PANK2: variants seen among roughly 807,000 people sequenced by gnomAD.
PANK2 encodes pantothenate kinase 2.
PANK2 carries 36 observed loss-of-function variants against 43.1 expected under a neutral mutation model. The ratio of observed to expected loss-of-function variants is 0.84; its 90% CI spans 0.64 to 1.10. The LOEUF (loss-of-function observed/expected upper bound fraction) is 1.10, where lower values mean the gene tolerates loss of function less well. Ranked by LOEUF, PANK2 falls within the 50% of genes least tolerant of loss-of-function variation. The pLI is 0.00. For missense variants in PANK2, 576 were observed against 593.3 expected (o/e 0.97, Z 0.30); for synonymous variants, 281 against 238.2 (o/e 1.18, Z -1.66).
intron 1 of PANK2, 145 bp downstream of exon 1, chr20:3,889,873 C>G: frequency 2.0e-6 from 3 of 1,532,864 alleles, no homozygotes; most frequent in Non-Finnish European, 2.6e-6. Context: ...GCCTGACATC[C>G]GGCTGGAGGC....
chr20:3,912,683 G>T (rs372724301), intron 4 of PANK2, 49 bp downstream of exon 4: 3 of 1,604,352 alleles, frequency 1.9e-6, no homozygotes, highest in Non-Finnish European at 2.6e-6. Flanking sequence ...CGGGCGCGGT[G>T]GCTCATGCCT....
At chr20:3,919,173 A>C (rs972380232) in intron 6 of PANK2, among the ~76,000 whole-genome samples, 1 of 152,138 alleles carries the variant, frequency 6.6e-6, no homozygotes, top group African/African-American at 2.4e-5. Context: ...CAGCCTCCCA[A>C]AGTTCCAGGA....
chr20:3,895,158 C>T (rs2090184574), intron 1 of PANK2, among the ~76,000 whole-genome samples: 1 of 152,092 alleles, frequency 6.6e-6, no homozygotes, highest in African/African-American at 2.4e-5. Context: ...CCTGTAATCC[C>T]AGCTACTCAG....
chr20:3,889,833 C>G (rs752622202), intron 1 of PANK2, 105 bp downstream of exon 1: 6 of 1,533,910 alleles, frequency 3.9e-6, no homozygotes, highest in Non-Finnish European at 4.4e-6. Flanking sequence ...CGGACACTGT[C>G]CCCGCACGGT....
chr20:3,892,071 C>G (rs1371577744), intron 1 of PANK2, among the ~76,000 whole-genome samples: 1 of 152,202 alleles, frequency 6.6e-6, no homozygotes, highest in Non-Finnish European at 1.5e-5. Flanking sequence ...CGCAGTGGCT[C>G]ATGCCTGTAA....
At chr20:3,896,538 C>T (rs2090212155) in intron 1 of PANK2, among the ~76,000 whole-genome samples, 1 of 152,096 alleles carries the variant, frequency 6.6e-6, no homozygotes, top group Non-Finnish European at 1.5e-5. Context: ...AGCCTCTGGA[C>T]TTAGTCATGG....
chr20:3,906,146 T>G (rs570209790), intron 1 of PANK2, among the ~76,000 whole-genome samples: 1 of 151,890 alleles, frequency 6.6e-6, no homozygotes, highest in African/African-American at 2.4e-5. Context: ...TAAATCAGGC[T>G]GGGCGCAGTG....
In PANK2 at chr20:3,889,594, GC is replaced by G. The variant is rs2090079028; in HGVS notation, c.166del (p.Arg56GlyfsTer39). 6.6e-7 allele frequency: 1 copy of G among 1,504,284 alleles called. No individual in the cohort carries two copies. Among genetic ancestry groups the G allele is most frequent in the Non-Finnish European group, 8.8e-7 (1 of 1,133,998 alleles). The allele number at this position is 1,504,284 out of a possible 1,614,324, so 93.2% of individuals were successfully genotyped here. A position where few individuals can be genotyped will look rare whatever the true frequency, so the allele number is the denominator to read the frequency against. On this transcript the variant is annotated frameshift_variant, in exon 1 of 7. Transcript: ENST00000610179. LOFTEE classifies it high-confidence loss of function. ...GGGCGGCGGCAGGAGCCACTGCGGC[GC>G]CGGGCGAGCAGCGCGTCGGTGCCCG...
chr20:3,913,416 T>C (rs2090500670), intron 4 of PANK2, among the ~76,000 whole-genome samples: 1 of 152,108 alleles, frequency 6.6e-6, no homozygotes, highest in Non-Finnish European at 1.5e-5. Flanking sequence ...TGATCTCGGC[T>C]CACCACAACC....
At chr20:3,898,567 T>A (rs1397388791) in intron 1 of PANK2, among the ~76,000 whole-genome samples, 4 of 152,138 alleles carry the variant, frequency 2.6e-5, no homozygotes, top group Non-Finnish European at 4.4e-5. Flanking sequence ...CTACTTTGGG[T>A]ATATCCTATT....
chr20:3,897,427 G>A lies in PANK2; in HGVS notation c.298+7699G>A, dbSNP rs116550922. ...CTTATCAGTGAGCTCTAGGCTGGAT[G>A]TGTTAGCTCACGTCTGTAATCTCAG... On this transcript the variant is annotated intron_variant, in intron 1 of 6. Transcript: ENST00000610179. 8.6e-3 allele frequency among the ~76,000 whole-genome samples: 1,308 copies of A among 152,296 alleles called. 25 individuals carry two copies. Among genetic ancestry groups the A allele is most frequent in the African/African-American group, 0.03 (1,251 of 41,564 alleles).
intron 1 of PANK2, among the ~76,000 whole-genome samples, chr20:3,895,500 T>C (rs1350164997): frequency 8.7e-6 from 1 of 115,428 alleles, no homozygotes; most frequent in African/African-American, 3.0e-5. Context: ...TTTTTTTTCT[T>C]TTTTTTTTTC....
At chr20:3,901,054 T>TTATG (rs1399913837) in intron 1 of PANK2, among the ~76,000 whole-genome samples, 4 of 148,926 alleles carry the variant, frequency 2.7e-5, no homozygotes, top group African/African-American at 1.0e-4. Flanking sequence ...ACAGGCTTTA[T>TTATG]TATTTATTTA....
chr20:3,893,494 G>T (rs1377093382), intron 1 of PANK2, among the ~76,000 whole-genome samples: 1 of 152,134 alleles, frequency 6.6e-6, no homozygotes, highest in Non-Finnish European at 1.5e-5. Context: ...AGGGCTCCAG[G>T]TGTTGAGCAT....
intron 6 of PANK2, among the ~76,000 whole-genome samples, chr20:3,922,114 A>G (rs984960498): frequency 2.6e-5 from 4 of 152,216 alleles, no homozygotes; most frequent in African/African-American, 9.6e-5. Flanking sequence ...ATAGAGTGGT[A>G]GTTATTTATG....
At chr20:3,889,896 G>A (rs1333822518) in intron 1 of PANK2, 168 bp downstream of exon 1, 2 of 1,532,502 alleles carry the variant, frequency 1.3e-6, no homozygotes, top group East Asian at 2.5e-5. Flanking sequence ...CGGGTGCTCC[G>A]AAAGCGGTAC....
upstream of PANK2, chr20:3,889,257 G>A (rs567973726): frequency 1.2e-6 from 2 of 1,612,762 alleles, no homozygotes; most frequent in South Asian, 1.1e-5. Flanking sequence ...ATTGGACGGA[G>A]GCACGGTCAA....
At chr20:3,906,658 TAAA>T (rs533056068) in intron 1 of PANK2, among the ~76,000 whole-genome samples, 9 of 151,524 alleles carry the variant, frequency 5.9e-5, no homozygotes, top group Non-Finnish European at 2.9e-5. Context: ...GTACTAAAAA[TAAA>T]AAAAACAATA....
intron 1 of PANK2, 24 bp downstream of exon 1, chr20:3,889,752 C>T (rs201038465): frequency 1.2e-5 from 18 of 1,550,706 alleles, no homozygotes; most frequent in Non-Finnish European, 1.5e-5. Context: ...GGGGCGCCCT[C>T]CCGGCCCGCC....
Sources: gnomAD v4.1 joint callset for allele counts (sites outside exome capture counted in the v4.1 genomes callset) on GRCh38, gnomAD v4.1.1 for gene constraint, MANE v1.5 for transcripts, NCBI Gene and HGNC (gene_info 2026-07-23, HGNC 2026-07-21) for gene names.